The following SPPL2A variants were observed in gnomAD, a reference collection of about 807,000 sequenced individuals.
The protein encoded by SPPL2A is signal peptide peptidase-like 2A.
A neutral mutation model predicts 63.8 loss-of-function variants in SPPL2A; 51 were observed. That is an observed-to-expected ratio of 0.80 (90% CI 0.64 to 1.01). The LOEUF (loss-of-function observed/expected upper bound fraction) is 1.01, where lower values mean the gene tolerates loss of function less well. Among genes scored for constraint, SPPL2A ranks in the 50% least tolerant of loss-of-function variants. The pLI, the probability that SPPL2A is intolerant of heterozygous loss-of-function variation, is 0.00. For synonymous variants in SPPL2A, 188 were observed against 205.8 expected (o/e 0.91, Z 0.74); for missense variants, 553 against 622.7 (o/e 0.89, Z 1.19).
At chr15:50,717,107 C>G (rs989277116) in intron 14 of SPPL2A, among the ~76,000 whole-genome samples, 4 of 152,178 alleles carry the variant, frequency 2.6e-5, no homozygotes, top group African/African-American at 4.8e-5. Flanking sequence ...CTAAATTTCT[C>G]TTAACTTTGT....
intron 8 of SPPL2A, 110 bp from the exon 9 acceptor site, chr15:50,732,794 C>CTT: frequency 2.9e-4 from 160 of 546,310 alleles, no homozygotes; most frequent in Non-Finnish European, 3.8e-4. Context: ...TTGACTATTC[C>CTT]TTTTTTTTTT....
At chr15:50,737,156 C>A (rs1418696908) in intron 6 of SPPL2A, among the ~76,000 whole-genome samples, 1 of 152,108 alleles carries the variant, frequency 6.6e-6, no homozygotes, top group Admixed American at 6.6e-5. Flanking sequence ...AGGTGATATG[C>A]CTGCCTTGGC....
chr15:50,759,735 T>A (rs538910817), intron 1 of SPPL2A, among the ~76,000 whole-genome samples: 71 of 149,614 alleles, frequency 4.7e-4, no homozygotes, highest in Non-Finnish European at 9.6e-4. Flanking sequence ...AGAACGAGAC[T>A]CTGTCTCAAA....
intron 1 of SPPL2A, among the ~76,000 whole-genome samples, chr15:50,755,627 CAAAAAAAAAAAAAAAA>C (rs148415568): frequency 6.1e-5 from 3 of 49,546 alleles, no homozygotes; most frequent in African/African-American, 1.9e-4. Context: ...CACCCTGTCT[CAAAAAAAAAAAAAAAA>C]AAAAAAAAAA....
chr15:50,736,637 T>C lies in SPPL2A; in HGVS notation c.830+7A>G, dbSNP rs2141040127. On this transcript the variant is annotated splice_region_variant and intron_variant, in intron 7 of 14. Transcript: ENST00000261854. ...ACATTATAAGATTTCCTGTAAGAGA[T>C]ACGTACGTGCATTGTCCATATGGTA... 4.1e-6 allele frequency: 6 copies of C among 1,455,624 alleles called. No individual in the cohort carries two copies. The highest frequency in any genetic ancestry group is 5.7e-6 in the Non-Finnish European group (6 of 1,046,044). 90.2% of individuals were successfully genotyped at this position (1,455,624 alleles called of 1,614,324 possible).
intron 1 of SPPL2A, among the ~76,000 whole-genome samples, chr15:50,760,958 C>G (rs1478266582): frequency 6.6e-6 from 1 of 151,930 alleles, no homozygotes; most frequent in East Asian, 1.9e-4. Flanking sequence ...TATGCTACTT[C>G]AAATTCTTTG....
At chr15:50,727,616 G>A (rs552747090) in intron 10 of SPPL2A, among the ~76,000 whole-genome samples, 100 of 152,192 alleles carry the variant, frequency 6.6e-4, no homozygotes, top group African/African-American at 2.1e-3. Context: ...AGTGGTGGAC[G>A]GAAAAAAATG....
At chr15:50,736,004 G>A (rs892044973) in intron 8 of SPPL2A, 97 bp downstream of exon 8, 2 of 755,526 alleles carry the variant, frequency 2.6e-6, no homozygotes, top group South Asian at 3.3e-5. Context: ...TTCTGGCATA[G>A]AAGCAAAAAA....
At chr15:50,751,865 T>C (rs560287278) in intron 1 of SPPL2A, among the ~76,000 whole-genome samples, 1 of 152,348 alleles carries the variant, frequency 6.6e-6, no homozygotes, top group South Asian at 2.1e-4. Context: ...TTCGCTCTTG[T>C]TGCCCAGGCT....
chr15:50,761,312 GAAGCAATTTAA>G (rs1164426182), intron 1 of SPPL2A, among the ~76,000 whole-genome samples: 7 of 152,246 alleles, frequency 4.6e-5, no homozygotes, highest in Admixed American at 6.5e-5. Context: ...AAAGAACTTT[GAAGCAATTTAA>G]AAAGACAGAG....
At chr15:50,746,286 A>C (rs2062856558) in intron 5 of SPPL2A, among the ~76,000 whole-genome samples, 1 of 151,412 alleles carries the variant, frequency 6.6e-6, no homozygotes, top group South Asian at 2.1e-4. Flanking sequence ...AAAAATACAA[A>C]AATTAGCTGG....
Position 50,722,112 on chromosome 15 carries a change from A to C in SPPL2A, c.1327+12T>G. On this transcript the variant is annotated intron_variant, in intron 13 of 14. Transcript: ENST00000261854. Reference sequence around the variant, plus strand: ...AATTCAACATTTAATACAAAGAAAAACAAAAATTTACCAACTGTAGACGAA... The same window carrying C: ...AATTCAACATTTAATACAAAGAAAACCAAAAATTTACCAACTGTAGACGAA... 6.9e-7 allele frequency: 1 copy of C among 1,458,996 alleles called. No individual in the cohort carries two copies. Among genetic ancestry groups the C allele is most frequent in the South Asian group, 1.1e-5 (1 of 87,750 alleles). 90.4% of individuals were successfully genotyped at this position (1,458,996 alleles called of 1,614,324 possible).
At chr15:50,741,432 C>G (rs1025140859) in intron 5 of SPPL2A, among the ~76,000 whole-genome samples, 4 of 151,238 alleles carry the variant, frequency 2.6e-5, no homozygotes, top group African/African-American at 9.7e-5. Context: ...CTAGCACCTC[C>G]CCCTGAAACT....
At chr15:50,718,475 A>C (rs928102500) in intron 14 of SPPL2A, among the ~76,000 whole-genome samples, 2 of 152,210 alleles carry the variant, frequency 1.3e-5, no homozygotes, top group Non-Finnish European at 2.9e-5. Context: ...AGTGTATATC[A>C]TAGGATACAC....
intron 13 of SPPL2A, 95 bp downstream of exon 13, chr15:50,722,029 T>A: frequency 1.4e-6 from 1 of 704,822 alleles, no homozygotes; most frequent in East Asian, 2.7e-5. Flanking sequence ...TGAACCACCA[T>A]GCCCAAACTG....
intron 1 of SPPL2A, among the ~76,000 whole-genome samples, chr15:50,761,923 C>A (rs2063014995): frequency 6.6e-6 from 1 of 151,764 alleles, no homozygotes; most frequent in Non-Finnish European, 1.5e-5. Flanking sequence ...CAGAGCAAGA[C>A]TCCATCTCAA....
Position 50,720,020 on chromosome 15 carries a change from G to A in SPPL2A, c.1408C>T (p.Pro470Ser). The stretch of plus-strand genomic sequence containing the variant: ...ACTGAGGCAGTAATAAGTGTGCAAG[G>A]TACTAAATAGAGGAGAGCAGGTTGC... ...KGQPALLYLV[P>S]CTLITASVVA... The change falls in exon 14 of 15, where the codon CCT becomes TCT. Residue 470 changes from proline (P) to serine (S), a missense_variant. Transcript: ENST00000261854. 1 of 1,613,390 alleles carries A rather than the reference G, an allele frequency of 6.2e-7. No homozygotes were observed. The highest frequency in any genetic ancestry group is 2.2e-5 in the East Asian group (1 of 44,846).
intron 1 of SPPL2A, among the ~76,000 whole-genome samples, chr15:50,757,028 T>G (rs945223504): frequency 3.9e-5 from 6 of 151,996 alleles, no homozygotes; most frequent in African/African-American, 7.3e-5. Flanking sequence ...GGCATGGGTT[T>G]CCTACCGCTT....
intron 1 of SPPL2A, among the ~76,000 whole-genome samples, chr15:50,760,552 C>T (rs997819665): frequency 1.3e-5 from 2 of 152,174 alleles, no homozygotes; most frequent in African/African-American, 4.8e-5. Flanking sequence ...AGCCACCACA[C>T]CTGGCCTGAT....
Sources: allele counts gnomAD v4.1 joint callset (sites outside exome capture counted in the v4.1 genomes callset), GRCh38; gene constraint gnomAD v4.1.1; transcripts MANE v1.5; gene names NCBI Gene and HGNC (gene_info 2026-07-23, HGNC 2026-07-21).